The following SHTN1 variants were observed in gnomAD, a reference collection of about 807,000 sequenced individuals.
The protein encoded by SHTN1 is shootin 1, also known as shootin-1.
In SHTN1, 42 loss-of-function variants were observed where a neutral mutation model predicts 83.1. The observed-to-expected ratio is 0.51, with a 90% confidence interval of 0.39 to 0.65. SHTN1 has a LOEUF of 0.65. SHTN1 is among the 30% of genes least tolerant of loss of function. The pLI is 0.00. For synonymous variants in SHTN1, 224 were observed against 247.7 expected (o/e 0.90, Z 0.90); for missense variants, 622 against 737.8 (o/e 0.84, Z 1.82).
At chr10:116,942,219 T>C (rs1330974141) in intron 8 of SHTN1, among the ~76,000 whole-genome samples, 2 of 151,922 alleles carry the variant, frequency 1.3e-5, no homozygotes, top group East Asian at 1.9e-4. Context: ...ACAGTAATTT[T>C]TTTTTTTTTT....
At chr10:117,061,096 T>C (rs1350367301) in intron 1 of SHTN1, among the ~76,000 whole-genome samples, 2 of 152,142 alleles carry the variant, frequency 1.3e-5, no homozygotes, top group East Asian at 3.8e-4. Flanking sequence ...TATGCATAGT[T>C]AAGACAAGTC....
At chr10:116,933,302 A>C (rs1374817383) in intron 9 of SHTN1, among the ~76,000 whole-genome samples, 1 of 151,926 alleles carries the variant, frequency 6.6e-6, no homozygotes, top group Non-Finnish European at 1.5e-5. Flanking sequence ...GTTTCTCCTA[A>C]TGCTATCCCT....
At position 116,916,770 on chromosome 10, in the gene SHTN1, C is replaced by T. The variant is rs556935492; in HGVS notation, c.1196-1286G>A. Among the ~76,000 whole-genome samples the T allele has an allele frequency of 1.1e-4, 17 of 152,322 alleles. No homozygotes were observed. In the South Asian group the frequency reaches 3.1e-3, roughly 28 times the overall value. The stretch of plus-strand genomic sequence containing the variant: ...AGAGACCAGAGGTTTCCATTACCCT[C>T]ATCTGTACAAGTCCACAATAAGGGA... On this transcript the variant is annotated intron_variant, in intron 12 of 16. Transcript: ENST00000355371.
chr10:117,083,197 C>T (rs1229728308), intron 1 of SHTN1, among the ~76,000 whole-genome samples: 2 of 140,370 alleles, frequency 1.4e-5, no homozygotes, highest in East Asian at 2.0e-4. Flanking sequence ...CCATGTTTAG[C>T]GCTTCCTTCA....
chr10:117,109,039 A>C (rs1338278370), intron 1 of SHTN1, among the ~76,000 whole-genome samples: 1 of 152,208 alleles, frequency 6.6e-6, no homozygotes, highest in Non-Finnish European at 1.5e-5. Flanking sequence ...CAATGTCTTT[A>C]CAAGATCTAC....
At chr10:117,083,127 A>G (rs1303004735) in intron 1 of SHTN1, among the ~76,000 whole-genome samples, 4 of 150,110 alleles carry the variant, frequency 2.7e-5, no homozygotes, top group East Asian at 3.9e-4. Flanking sequence ...TTTCTTCCTA[A>G]TCTCGATGGT....
chr10:116,907,913 C>G, intron 14 of SHTN1: 1 of 518,078 alleles, frequency 1.9e-6, no homozygotes, highest in Non-Finnish European at 3.9e-6. Context: ...CCCTGCCTGC[C>G]AACTACCTGA....
Position 116,923,969 on chromosome 10 carries a change from A to G in SHTN1, c.1113-2453T>C, listed in dbSNP as rs557377882. Among the ~76,000 whole-genome samples, 6 of 152,246 alleles carry G rather than the reference A, an allele frequency of 3.9e-5. No individual in the cohort carries two copies. The East Asian group carries it at 9.7e-4, about 25-fold the overall frequency. On this transcript the variant is annotated intron_variant, in intron 11 of 16. Transcript: ENST00000355371. Reference sequence around the variant, plus strand: ...TTAAAATTCCCAAACTCACTGGATAATCTCCCATAAAGCATAGTAAAAAGA... The same window carrying G: ...TTAAAATTCCCAAACTCACTGGATAGTCTCCCATAAAGCATAGTAAAAAGA...
At chr10:117,018,597 A>C (rs1349742670) in intron 2 of SHTN1, among the ~76,000 whole-genome samples, 1 of 124,508 alleles carries the variant, frequency 8.0e-6, no homozygotes, top group Non-Finnish European at 1.6e-5. Context: ...TTTGAGATGG[A>C]GTCTTGCTCT....
intron 1 of SHTN1, among the ~76,000 whole-genome samples, chr10:117,067,615 A>C (rs1000615311): frequency 5.3e-5 from 8 of 152,168 alleles, no homozygotes; most frequent in Non-Finnish European, 1.0e-4. Context: ...TTTAAATAAA[A>C]AAAAATTTTA....
chr10:117,021,157 G>C (rs543937238), intron 2 of SHTN1, among the ~76,000 whole-genome samples: 24 of 152,304 alleles, frequency 1.6e-4, no homozygotes, highest in African/African-American at 5.5e-4. Flanking sequence ...CGGATCACCT[G>C]AGCTCAGGAG....
At chr10:116,971,171 A>C (rs1850604821) in intron 2 of SHTN1, among the ~76,000 whole-genome samples, 1 of 152,204 alleles carries the variant, frequency 6.6e-6, no homozygotes, top group African/African-American at 2.4e-5. Context: ...TGAAACAAGT[A>C]CACAGTGTTA....
intron 14 of SHTN1, chr10:116,907,961 T>A: frequency 2.0e-6 from 1 of 506,458 alleles, no homozygotes; most frequent in Non-Finnish European, 3.9e-6. Context: ...AATGGTTGTT[T>A]TAGCCATTTT....
At chr10:117,029,450 A>G (rs959100620) in intron 2 of SHTN1, among the ~76,000 whole-genome samples, 42 of 152,182 alleles carry the variant, frequency 2.8e-4, no homozygotes, top group Admixed American at 2.4e-3. Flanking sequence ...TGAGAAGTAC[A>G]TGAGATTTGG....
intron 1 of SHTN1, among the ~76,000 whole-genome samples, chr10:116,984,225 C>T (rs1851148847): frequency 6.6e-6 from 1 of 152,072 alleles, no homozygotes; most frequent in Admixed American, 6.6e-5. Context: ...CCTGTGTTGT[C>T]CAAAATGGTA....
intron 16 of SHTN1, among the ~76,000 whole-genome samples, chr10:116,889,784 T>G (rs1365736852): frequency 6.6e-6 from 1 of 152,232 alleles, no homozygotes; most frequent in Non-Finnish European, 1.5e-5. Flanking sequence ...CGAATCCGTT[T>G]CCATCTCCAT....
At chr10:116,934,519 T>C (rs1263934768) in intron 9 of SHTN1, among the ~76,000 whole-genome samples, 1 of 152,210 alleles carries the variant, frequency 6.6e-6, no homozygotes, top group Non-Finnish European at 1.5e-5. Context: ...TATGTTCCTT[T>C]GGTCTACGTA....
In SHTN1 at chr10:116,960,199, G is replaced by C. The variant is rs767797221; in HGVS notation, c.204C>G (p.Phe68Leu). Residue 68 changes from phenylalanine to leucine, a missense_variant, in exon 4 of 17, where the codon TTC becomes TTG. This residue lies in a region of SHTN1 where 383 missense variants were observed against 455.8 expected (regional missense o/e 0.84). Coordinates refer to ENST00000355371, the MANE Select transcript of SHTN1 (RefSeq NM_001127211.3). ...ISHMVIEEVN[F>L]MQNHLEIEKT... The stretch of plus-strand genomic sequence containing the variant: ...TCTCTATTTCAAGATGGTTCTGCAT[G>C]AAATTAACTTCCTCTATGACCATGT... 1 of 1,609,482 alleles carries C rather than the reference G, an allele frequency of 6.2e-7. No individual in the cohort carries two copies. The highest frequency in any genetic ancestry group is 1.1e-5 in the South Asian group (1 of 90,964).
intron 1 of SHTN1, among the ~76,000 whole-genome samples, chr10:116,983,687 AATAC>A (rs3981231): frequency 0.012 from 713 of 60,252 alleles, 5 homozygotes; most frequent in African/African-American, 0.021. Context: ...TAGATAGATA[AATAC>A]ATACATACAT....
Sources: gnomAD v4.1 joint callset for allele counts (sites outside exome capture counted in the v4.1 genomes callset) on GRCh38, gnomAD v4.1.1 for gene constraint, gnomAD v4.1.1 regional missense constraint, MANE v1.5 for transcripts, NCBI Gene and HGNC (gene_info 2026-07-23, HGNC 2026-07-21) for gene names.